Variants in SLC25A21 observed in about 807,000 individuals in gnomAD.
SLC25A21 encodes the protein solute carrier family 25 member 21.
Under a neutral mutation model 43.8 loss-of-function variants are expected in SLC25A21, and 47 were observed. That is an observed-to-expected ratio of 1.07 (90% confidence interval 0.85 to 1.37). The LOEUF is 1.37. SLC25A21 is among the 40% of genes most tolerant of loss of function. The probability of loss-of-function intolerance (pLI) is 0.00; values close to 1 mark genes in which losing one functional copy is unlikely to be tolerated. For synonymous variants in SLC25A21, 131 were observed against 121.3 expected, an observed-to-expected ratio of 1.08 and a Z score of -0.52; for missense variants, 352 against 350.2, an observed-to-expected ratio of 1.00 and a Z score of -0.04.
intron 7 of SLC25A21, among the ~76,000 whole-genome samples, chr14:36,699,942 C>T (rs1390014744): frequency 3.9e-5 from 6 of 152,260 alleles, no homozygotes; most frequent in South Asian, 2.1e-4. Context: ...GTTCACCCTC[C>T]GTGGGCTGCA....
chr14:37,167,993 T>C (rs1484687861), intron 1 of SLC25A21, among the ~76,000 whole-genome samples: 1 of 152,126 alleles, frequency 6.6e-6, no homozygotes, highest in Non-Finnish European at 1.5e-5. Flanking sequence ...TCTTTCTCTA[T>C]TGCAATTCTC....
At chr14:36,934,988 GTTCT>G (rs1244692673) in intron 1 of SLC25A21, among the ~76,000 whole-genome samples, 1 of 150,984 alleles carries the variant, frequency 6.6e-6, no homozygotes, top group African/African-American at 2.4e-5. Context: ...AAAACCTGTG[GTTCT>G]TTATCTTTTT....
At chr14:37,103,160 T>C (rs1962848042) in intron 1 of SLC25A21, among the ~76,000 whole-genome samples, 1 of 152,240 alleles carries the variant, frequency 6.6e-6, no homozygotes, top group African/African-American at 2.4e-5. Context: ...GGAAATATTA[T>C]ACTGCAAGTA....
At chr14:37,169,481 G>A (rs904422381) in intron 1 of SLC25A21, among the ~76,000 whole-genome samples, 9 of 151,672 alleles carry the variant, frequency 5.9e-5, no homozygotes, top group South Asian at 2.1e-4. Context: ...TGAATTCCAC[G>A]AGATACCCTG....
At chr14:36,868,976 A>C (rs1319715565) in intron 2 of SLC25A21, among the ~76,000 whole-genome samples, 1 of 152,160 alleles carries the variant, frequency 6.6e-6, no homozygotes, top group African/African-American at 2.4e-5. Flanking sequence ...TCTAGCTCCC[A>C]GCAGGGTTAT....
At chr14:36,753,485 C>G (rs1885793546) in intron 3 of SLC25A21, among the ~76,000 whole-genome samples, 1 of 152,066 alleles carries the variant, frequency 6.6e-6, no homozygotes, top group African/African-American at 2.4e-5. Context: ...AGAATCTCAG[C>G]CATCACTTTA....
chr14:36,701,632 T>C (rs1883281181), intron 7 of SLC25A21, among the ~76,000 whole-genome samples: 1 of 152,214 alleles, frequency 6.6e-6, no homozygotes, highest in Non-Finnish European at 1.5e-5. Context: ...GCATAATAGT[T>C]ATCTCTTGAT....
Position 37,130,217 on chromosome 14 carries a change from T to C in SLC25A21, c.70+42064A>G, listed in dbSNP as rs77996867. On this transcript the variant is annotated intron_variant, in intron 1 of 9. Transcript: ENST00000331299. The stretch of plus-strand genomic sequence containing the variant: ...AGTTAGAGGCTGCAGTGAGCTATGA[T>C]TGGGCCTCTGTACTTGTGCTTTTGT... 0.016 allele frequency among the ~76,000 whole-genome samples: 2,428 copies of C among 152,212 alleles called. 180 individuals are homozygous for C. The East Asian group carries it at 0.26, about 16-fold the overall frequency.
chr14:36,967,459 T>G (rs920803100), intron 1 of SLC25A21, among the ~76,000 whole-genome samples: 1 of 152,178 alleles, frequency 6.6e-6, no homozygotes. Flanking sequence ...ATTAGAAGTA[T>G]GTATAGTCAT....
intron 1 of SLC25A21, among the ~76,000 whole-genome samples, chr14:36,966,852 C>A (rs1207254721): frequency 6.6e-6 from 1 of 152,118 alleles, no homozygotes; most frequent in Non-Finnish European, 1.5e-5. Context: ...TTTCTTGACA[C>A]CTCATTTAGC....
At chr14:37,141,828 G>T (rs535133981) in intron 1 of SLC25A21, among the ~76,000 whole-genome samples, 1 of 151,864 alleles carries the variant, frequency 6.6e-6, no homozygotes, top group Non-Finnish European at 1.5e-5. Context: ...CTACATTTTC[G>T]TCTGAGTACT....
chr14:37,147,753 TG>T (rs1318462915), intron 1 of SLC25A21, among the ~76,000 whole-genome samples: 3 of 151,892 alleles, frequency 2.0e-5, no homozygotes, highest in African/African-American at 7.3e-5. Context: ...TACAGATTTT[TG>T]AAACATGACA....
chr14:36,821,393 C>A (rs779851855), intron 2 of SLC25A21, among the ~76,000 whole-genome samples: 1 of 152,062 alleles, frequency 6.6e-6, no homozygotes. Flanking sequence ...GTGGGGGATG[C>A]CTTCCTTCTA....
intron 1 of SLC25A21, among the ~76,000 whole-genome samples, chr14:37,163,908 T>G (rs2138953203): frequency 6.6e-6 from 1 of 152,296 alleles, no homozygotes; most frequent in South Asian, 2.1e-4. Flanking sequence ...TGGCTTAGAC[T>G]TTTCATATTT....
At position 36,847,883 on chromosome 14, in the gene SLC25A21, T is replaced by C. The variant is rs1889595439; in HGVS notation, c.119+27073A>G. On this transcript the variant is annotated intron_variant, in intron 2 of 9. Transcript: ENST00000331299. ...TCAGCCTTTTACTTTGTTTCATTGA[T>C]AATTTCAGGAAAGTAACTCTGGAAG... Among the ~76,000 whole-genome samples, 5 of 151,924 alleles carry C rather than the reference T, an allele frequency of 3.3e-5. No homozygotes were observed. The South Asian group carries it at 8.3e-4, about 25-fold the overall frequency.
intron 1 of SLC25A21, among the ~76,000 whole-genome samples, chr14:37,148,318 G>A (rs1963703154): frequency 6.6e-6 from 1 of 152,108 alleles, no homozygotes; most frequent in African/African-American, 2.4e-5. Flanking sequence ...ATTTTTGTGT[G>A]TAGCTACACA....
At chr14:36,738,161 G>A (rs1215879706) in intron 3 of SLC25A21, among the ~76,000 whole-genome samples, 1 of 152,158 alleles carries the variant, frequency 6.6e-6, no homozygotes, top group Non-Finnish European at 1.5e-5. Flanking sequence ...GACCAGAAGA[G>A]TCACATATAA....
chr14:36,679,835 T>TC lies in SLC25A21; in HGVS notation c.*822_*823insG. On this transcript the variant is annotated 3_prime_UTR_variant, in exon 10 of 10. Coordinates refer to ENST00000331299, the MANE Select transcript of SLC25A21 (RefSeq NM_030631.4). The stretch of plus-strand genomic sequence containing the variant: ...TCCAATTTGTGATTTAACATGACAA[T>TC]ATCTCATCAACAAAACTTATCTTCA... The TC allele has an allele frequency of 1.0e-6, 1 of 984,568 alleles. No individual in the cohort carries two copies. Among genetic ancestry groups the TC allele is most frequent in the Non-Finnish European group, 1.2e-6 (1 of 829,172 alleles). The allele number at this position is 984,568 out of a possible 1,614,324, so 61.0% of individuals were successfully genotyped here. A position where few individuals can be genotyped will look rare whatever the true frequency, so the allele number is the denominator to read the frequency against.
intron 1 of SLC25A21, among the ~76,000 whole-genome samples, chr14:37,046,184 G>T (rs943642478): frequency 3.3e-5 from 5 of 152,080 alleles, no homozygotes; most frequent in African/African-American, 1.2e-4. Context: ...AAGGGTTCTT[G>T]CTCTTCACCA....
Sources: allele counts gnomAD v4.1 joint callset (sites outside exome capture counted in the v4.1 genomes callset), GRCh38; gene constraint gnomAD v4.1.1; transcripts MANE v1.5; gene names NCBI Gene and HGNC (gene_info 2026-07-23, HGNC 2026-07-21).